The following SLC7A11 variants were observed in gnomAD, a reference collection of about 807,000 sequenced individuals.
SLC7A11 encodes the protein cystine/glutamate transporter.
SLC7A11 carries 35 observed loss-of-function variants against 54.5 expected under a neutral mutation model. The observed-to-expected ratio is 0.64, with a 90% CI of 0.49 to 0.85. The LOEUF is 0.85. Among genes scored for constraint, SLC7A11 ranks in the 40% least tolerant of loss-of-function variants. The pLI is 0.00. For missense variants in SLC7A11, 583 were observed against 618.1 expected, an observed-to-expected ratio of 0.94 and a Z score of 0.60; for synonymous variants, 230 against 225.2, an observed-to-expected ratio of 1.02 and a Z score of -0.19.
chr4:138,216,318 C>G (rs866955635), intron 5 of SLC7A11, among the ~76,000 whole-genome samples: 17 of 151,948 alleles, frequency 1.1e-4, no homozygotes, highest in Admixed American at 4.6e-4. Flanking sequence ...AAGACTAAAT[C>G]CATAGAGGGG....
chr4:138,236,682 AT>A (rs1331809427), intron 1 of SLC7A11, among the ~76,000 whole-genome samples: 4 of 152,156 alleles, frequency 2.6e-5, no homozygotes, highest in Non-Finnish European at 5.9e-5. Flanking sequence ...GAACACTATA[AT>A]TTTACTTGAA....
rs1736256179 is a variant in SLC7A11 at position 138,166,363 on chromosome 4, A to G, written c.*5593T>C. On this transcript the variant is annotated 3_prime_UTR_variant, in exon 12 of 12. Coordinates refer to ENST00000280612, the MANE Select transcript of SLC7A11 (RefSeq NM_014331.4). ...TTTTCCCACAAGATGCTGTAATAAT[A>G]CCCTGTCACACAAGGTACTCAAAAT... 6.6e-6 allele frequency: 1 copy of G among 152,220 alleles called. No individual in the cohort carries two copies. The highest frequency in any genetic ancestry group is 1.5e-5 in the Non-Finnish European group (1 of 68,036). 9.4% of individuals were successfully genotyped at this position (152,220 alleles called of 1,614,324 possible). A position where few individuals can be genotyped will look rare whatever the true frequency, so the allele number is the denominator to read the frequency against.
At chr4:138,198,348 T>C (rs1248761909) in intron 6 of SLC7A11, among the ~76,000 whole-genome samples, 1 of 152,066 alleles carries the variant, frequency 6.6e-6, no homozygotes, top group East Asian at 1.9e-4. Flanking sequence ...TTACAAATAA[T>C]ATAATAGATA....
At chr4:138,225,314 A>T (rs1349736168) in intron 3 of SLC7A11, among the ~76,000 whole-genome samples, 1 of 151,790 alleles carries the variant, frequency 6.6e-6, no homozygotes, top group Non-Finnish European at 1.5e-5. Context: ...TGGGAAAAAT[A>T]AGGGATCAGA....
chr4:138,235,772 A>G (rs940768593), intron 2 of SLC7A11, among the ~76,000 whole-genome samples: 7 of 152,348 alleles, frequency 4.6e-5, no homozygotes, highest in African/African-American at 1.7e-4. Flanking sequence ...AATAAAATCA[A>G]AAAAGACTTT....
At chr4:138,180,860 A>C (rs941981160) in intron 9 of SLC7A11, 70 bp from the exon 10 acceptor site, 65 of 1,324,514 alleles carry the variant, frequency 4.9e-5, no homozygotes, top group Non-Finnish European at 6.3e-5. Context: ...CAAAAACCTC[A>C]CTATGCATTA....
intron 6 of SLC7A11, among the ~76,000 whole-genome samples, chr4:138,199,963 A>G (rs1386604882): frequency 6.6e-6 from 1 of 152,136 alleles, no homozygotes; most frequent in Non-Finnish European, 1.5e-5. Flanking sequence ...ACACTTACAT[A>G]CATTTAAAAC....
intron 1 of SLC7A11, among the ~76,000 whole-genome samples, chr4:138,236,979 A>C (rs1738222771): frequency 9.6e-6 from 1 of 104,100 alleles, no homozygotes; most frequent in Non-Finnish European, 1.9e-5. Flanking sequence ...GACTTGCAAG[A>C]TTTCTTTTTT....
intron 3 of SLC7A11, among the ~76,000 whole-genome samples, chr4:138,226,326 G>A (rs1246799846): frequency 6.6e-6 from 1 of 152,034 alleles, no homozygotes; most frequent in Non-Finnish European, 1.5e-5. Flanking sequence ...AGTTTCACAG[G>A]TGAATACATA....
At chr4:138,185,327 A>G (rs1238775289) in intron 6 of SLC7A11, 83 bp from the exon 7 acceptor site, 3 of 1,442,996 alleles carry the variant, frequency 2.1e-6, no homozygotes, top group Non-Finnish European at 2.9e-6. Context: ...GCTAATTCAA[A>G]TGAAGAATAT....
At chr4:138,209,715 T>A (rs1737501826) in intron 6 of SLC7A11, among the ~76,000 whole-genome samples, 1 of 151,966 alleles carries the variant, frequency 6.6e-6, no homozygotes, top group Non-Finnish European at 1.5e-5. Flanking sequence ...CAAGGAGAGC[T>A]ATAAAACATT....
At chr4:138,215,654 A>T (rs987876123) in intron 5 of SLC7A11, among the ~76,000 whole-genome samples, 2 of 152,164 alleles carry the variant, frequency 1.3e-5, no homozygotes, top group Non-Finnish European at 2.9e-5. Context: ...TACACCATGA[A>T]AGCAAGCAAC....
Position 138,168,759 on chromosome 4 carries a change from C to T in SLC7A11, c.*3197G>A, listed in dbSNP as rs1229047763. On this transcript the variant is annotated 3_prime_UTR_variant, in exon 12 of 12. Coordinates refer to ENST00000280612, the MANE Select transcript of SLC7A11 (RefSeq NM_014331.4). ...CTAAATGCATACGCATGTTGGGAAC[C>T]GAAGTCAGCCATCTTCCCTAGGACA... The T allele has an allele frequency of 1.3e-5, 2 of 152,126 alleles. No homozygotes were observed. The highest frequency in any genetic ancestry group is 2.9e-5 in the Non-Finnish European group (2 of 68,026). 9.4% of individuals were successfully genotyped at this position (152,126 alleles called of 1,614,324 possible). A position where few individuals can be genotyped will look rare whatever the true frequency, so the allele number is the denominator to read the frequency against.
At chr4:138,234,519 G>T (rs1208753374) in intron 2 of SLC7A11, among the ~76,000 whole-genome samples, 3 of 151,766 alleles carry the variant, frequency 2.0e-5, no homozygotes, top group African/African-American at 7.3e-5. Context: ...AGAATACAAA[G>T]GTACTTTCCT....
chr4:138,181,282 T>G (rs1215413540), intron 9 of SLC7A11, among the ~76,000 whole-genome samples: 1 of 152,098 alleles, frequency 6.6e-6, no homozygotes, highest in Non-Finnish European at 1.5e-5. Flanking sequence ...GGTGATTCTG[T>G]TGGCTCTTGA....
Position 138,223,367 on chromosome 4 carries a change from G to A in SLC7A11, c.521-43C>T, listed in dbSNP as rs1737863543. ...AAGTTACAAAAGGTGAATTCTCACTGGCACAAAGACATTTTAGGTCCTTGT... is the reference window on the plus strand; with the variant it reads ...AAGTTACAAAAGGTGAATTCTCACTAGCACAAAGACATTTTAGGTCCTTGT... On this transcript the variant is annotated intron_variant, in intron 3 of 11. Coordinates refer to ENST00000280612, the MANE Select transcript of SLC7A11 (RefSeq NM_014331.4). 3 of 1,605,634 alleles carry A rather than the reference G, an allele frequency of 1.9e-6. No homozygotes were observed. The Admixed American group carries it at 5.0e-5, about 27-fold the overall frequency.
chr4:138,192,749 A>G (rs1366931866), intron 6 of SLC7A11, among the ~76,000 whole-genome samples: 1 of 152,152 alleles, frequency 6.6e-6, no homozygotes, highest in Non-Finnish European at 1.5e-5. Flanking sequence ...TTTAAAAGCT[A>G]GGAGAGAAAA....
chr4:138,222,299 A>G (rs1292210346), intron 4 of SLC7A11, among the ~76,000 whole-genome samples: 2 of 152,188 alleles, frequency 1.3e-5, no homozygotes, highest in Non-Finnish European at 2.9e-5. Context: ...AAACGCTGGC[A>G]TTTCCTTTTG....
chr4:138,195,913 G>A (rs957706519), intron 6 of SLC7A11, among the ~76,000 whole-genome samples: 1 of 152,138 alleles, frequency 6.6e-6, no homozygotes, highest in African/African-American at 2.4e-5. Flanking sequence ...ACCACATGCA[G>A]AAAGGGTTTC....
Sources: gnomAD v4.1 joint callset for allele counts (sites outside exome capture counted in the v4.1 genomes callset) on GRCh38, gnomAD v4.1.1 for gene constraint, MANE v1.5 for transcripts, NCBI Gene and HGNC (gene_info 2026-07-23, HGNC 2026-07-21) for gene names.